SH3RF3: variants seen among roughly 807,000 people sequenced by gnomAD.
The protein encoded by SH3RF3 is SH3 domain containing ring finger 3.
SH3RF3 carries 29 observed loss-of-function variants against 66.3 expected under a neutral mutation model. The observed-to-expected ratio is 0.44, with a 90% confidence interval of 0.33 to 0.60. The LOEUF (loss-of-function observed/expected upper bound fraction) is 0.60. SH3RF3 is among the 20% of genes least tolerant of loss of function. The pLI is 0.04. For synonymous variants in SH3RF3, 583 were observed against 532.0 expected (o/e 1.10, Z -1.32); for missense variants, 1,194 against 1,190.9 (o/e 1.00, Z -0.04).
chr2:109,194,757 A>G lies in SH3RF3; in HGVS notation c.573+64644A>G, dbSNP rs190306175. Among the ~76,000 whole-genome samples, 725 of 152,334 alleles carry G rather than the reference A, an allele frequency of 4.8e-3. 7 individuals are homozygous for G. The highest frequency in any genetic ancestry group is 5.4e-3 in the Non-Finnish European group (366 of 68,022). ...AGGCCGGGGATGCTTCCAATCCTGA[A>G]TGCTCAAGCTCTGCCCAGAATGTGG... On this transcript the variant is annotated intron_variant, in intron 1 of 9. Coordinates refer to ENST00000309415, the MANE Select transcript of SH3RF3 (RefSeq NM_001099289.3).
intron 1 of SH3RF3, among the ~76,000 whole-genome samples, chr2:109,182,227 T>C (rs1678089932): frequency 6.6e-6 from 1 of 152,202 alleles, no homozygotes; most frequent in African/African-American, 2.4e-5. Context: ...TCCAAGAGCA[T>C]GGCGCTGGCA....
chr2:109,439,504 C>T (rs188280314), intron 7 of SH3RF3, among the ~76,000 whole-genome samples: 8 of 152,290 alleles, frequency 5.3e-5, no homozygotes, highest in African/African-American at 1.7e-4. Flanking sequence ...ACCCCAACCC[C>T]GATGGGTGGG....
intron 3 of SH3RF3, among the ~76,000 whole-genome samples, chr2:109,393,352 A>T (rs1414724711): frequency 1.3e-5 from 2 of 152,250 alleles, no homozygotes; most frequent in East Asian, 3.8e-4. Flanking sequence ...CAACAATGGC[A>T]TCTGCAAAGA....
intron 7 of SH3RF3, among the ~76,000 whole-genome samples, chr2:109,441,779 G>T (rs183731135): frequency 2.6e-5 from 4 of 152,062 alleles, no homozygotes; most frequent in African/African-American, 9.6e-5. Flanking sequence ...CTCTCATAAA[G>T]AAAACACTGA....
rs1676518120 is a variant in SH3RF3 at position 109,408,895 on chromosome 2, C to T, written c.1299+9952C>T. Among the ~76,000 whole-genome samples, 3 of 152,170 alleles carry T rather than the reference C, an allele frequency of 2.0e-5. No individual in the cohort carries two copies. In the South Asian group the frequency reaches 6.2e-4, roughly 32 times the overall value. Reference sequence around the variant, plus strand: ...AGGGCCTTCCTACCATCAGAGGCAACAGGCGAGTGAGAGCTGTGAGGAAGG... The same window carrying T: ...AGGGCCTTCCTACCATCAGAGGCAATAGGCGAGTGAGAGCTGTGAGGAAGG... On this transcript the variant is annotated intron_variant, in intron 4 of 9. Coordinates refer to ENST00000309415, the MANE Select transcript of SH3RF3 (RefSeq NM_001099289.3).
intron 1 of SH3RF3, among the ~76,000 whole-genome samples, chr2:109,167,578 AGTT>A (rs1474350494): frequency 6.6e-6 from 1 of 152,054 alleles, no homozygotes; most frequent in Non-Finnish European, 1.5e-5. Flanking sequence ...TTATTTATTT[AGTT>A]GTTTATTTTT....
chr2:109,360,432 T>G (rs1438938509), intron 2 of SH3RF3, among the ~76,000 whole-genome samples: 1 of 152,182 alleles, frequency 6.6e-6, no homozygotes, highest in African/African-American at 2.4e-5. Flanking sequence ...ATGCACAAAA[T>G]TATTAAAATG....
chr2:109,371,985 C>T (rs1449233733), intron 3 of SH3RF3, among the ~76,000 whole-genome samples: 1 of 152,204 alleles, frequency 6.6e-6, no homozygotes, highest in African/African-American at 2.4e-5. Flanking sequence ...ACCCCTGCGC[C>T]TGGCACCCAT....
At chr2:109,302,397 C>G (rs1256786575) in intron 1 of SH3RF3, among the ~76,000 whole-genome samples, 3 of 152,218 alleles carry the variant, frequency 2.0e-5, no homozygotes, top group Admixed American at 6.5e-5. Context: ...TGACCATACC[C>G]AAACACAGAA....
At chr2:109,140,597 G>A (rs6750673) in intron 1 of SH3RF3, among the ~76,000 whole-genome samples, 62,794 of 151,878 alleles carry the variant, frequency 0.41, 14,717 homozygotes, top group Non-Finnish European at 0.54. Flanking sequence ...TAACCAGGAT[G>A]GTCTTGATCT....
At chr2:109,295,945 C>T (rs920973965) in intron 1 of SH3RF3, among the ~76,000 whole-genome samples, 2 of 152,170 alleles carry the variant, frequency 1.3e-5, no homozygotes, top group Non-Finnish European at 2.9e-5. Flanking sequence ...ACACTGCTCC[C>T]TCTGTGACTG....
Position 109,407,429 on chromosome 2 carries a change from A to G in SH3RF3, c.1299+8486A>G, listed in dbSNP as rs149996096. ...GCATCACCACCTGCTATTTGTCTCT[A>G]TGCAGCTTCCTGTGTTGGCTGGGTC... On this transcript the variant is annotated intron_variant, in intron 4 of 9. Transcript: ENST00000309415. Among the ~76,000 whole-genome samples the G allele has an allele frequency of 3.2e-3, 480 of 152,298 alleles. 1 individual carries two copies. Among genetic ancestry groups the G allele is most frequent in the African/African-American group, 9.3e-3 (388 of 41,578 alleles).
chr2:109,254,481 A>G (rs1460208887), intron 1 of SH3RF3, among the ~76,000 whole-genome samples: 5 of 152,144 alleles, frequency 3.3e-5, no homozygotes, highest in African/African-American at 1.2e-4. Flanking sequence ...TTGCATGTAA[A>G]TGTTACCAGC....
chr2:109,259,300 G>T (rs543099131), intron 1 of SH3RF3, among the ~76,000 whole-genome samples: 2 of 152,332 alleles, frequency 1.3e-5, no homozygotes, highest in South Asian at 4.1e-4. Context: ...CTCTGAGTGT[G>T]CAGAGGCCTG....
At chr2:109,317,057 G>T (rs964417763) in intron 1 of SH3RF3, among the ~76,000 whole-genome samples, 1 of 152,088 alleles carries the variant, frequency 6.6e-6, no homozygotes, top group Non-Finnish European at 1.5e-5. Flanking sequence ...ACCTCCTGAG[G>T]CTATCTTGGT....
intron 1 of SH3RF3, among the ~76,000 whole-genome samples, chr2:109,293,801 T>C (rs2105373402): frequency 6.6e-6 from 1 of 152,344 alleles, no homozygotes; most frequent in East Asian, 1.9e-4. Flanking sequence ...GCTGGGGTTT[T>C]GTTACAGATC....
rs1358230462 is a variant in SH3RF3, at chr2:109,195,264, A to AG, written c.573+65154dup. Among the ~76,000 whole-genome samples the AG allele has an allele frequency of 3.9e-5, 6 of 152,216 alleles. No homozygotes were observed. In the East Asian group the frequency reaches 1.2e-3, roughly 29 times the overall value. On this transcript the variant is annotated intron_variant, in intron 1 of 9. Transcript: ENST00000309415. ...CACTAGGACTGCAGTCCATGGGAACAGGGAGCTAACAGGAGGGTCCCATAG... is the reference window on the plus strand; with the variant it reads ...CACTAGGACTGCAGTCCATGGGAACAGGGGAGCTAACAGGAGGGTCCCATAG...
At chr2:109,289,566 G>A (rs111924002) in intron 1 of SH3RF3, among the ~76,000 whole-genome samples, 2,864 of 152,286 alleles carry the variant, frequency 0.019, 75 homozygotes, top group African/African-American at 0.066. Flanking sequence ...CCATGGTGTA[G>A]CACTGGGATA....
At chr2:109,217,755 AATAG>A (rs1160052866) in intron 1 of SH3RF3, among the ~76,000 whole-genome samples, 4 of 152,162 alleles carry the variant, frequency 2.6e-5, no homozygotes, top group Non-Finnish European at 5.9e-5. Context: ...CCACTCAACT[AATAG>A]ATCATTCTTC....
Sources: allele counts gnomAD v4.1 joint callset (sites outside exome capture counted in the v4.1 genomes callset), GRCh38; gene constraint gnomAD v4.1.1; transcripts MANE v1.5; gene names NCBI Gene and HGNC (gene_info 2026-07-23, HGNC 2026-07-21).